Variants in CEP170B observed in about 807,000 individuals in gnomAD.
CEP170B encodes centrosomal protein 170B, also known as centrosomal protein of 170 kDa protein B.
A neutral mutation model predicts 120.6 loss-of-function variants in CEP170B; 55 were observed. That is an observed-to-expected ratio of 0.46 (90% confidence interval 0.37 to 0.57). The LOEUF is 0.57. Ranked by LOEUF, CEP170B falls within the 20% of genes least tolerant of loss-of-function variation. CEP170B has a pLI of 0.00. For synonymous variants in CEP170B, 1,033 were observed against 954.5 expected, an observed-to-expected ratio of 1.08 and a Z score of -1.52; for missense variants, 2,212 against 2,253.3, an observed-to-expected ratio of 0.98 and a Z score of 0.37.
intron 3 of CEP170B, 49 bp from the exon 4 acceptor site, chr14:104,877,836 A>AGCCCCCCCCCCCC: frequency 4.2e-6 from 1 of 237,068 alleles, no homozygotes; most frequent in Non-Finnish European, 6.7e-6. Flanking sequence ...GCCCACAGCC[A>AGCCCCCCCCCCCC]CCCACCCGCG....
Position 104,883,343 on chromosome 14 carries a change from C to T in CEP170B, c.886C>T (p.Arg296Trp), listed in dbSNP as rs758250851. 11 of 1,611,110 alleles carry T rather than the reference C, an allele frequency of 6.8e-6. No individual in the cohort carries two copies. The Admixed American group carries it at 8.4e-5, about 12-fold the overall frequency. The change falls in exon 8 of 19, where the codon CGG (arginine) becomes TGG (tryptophan). Residue 296 changes from arginine to tryptophan, a missense_variant. By Grantham distance (101) the Arg-to-Trp change is moderately radical. Around this residue, in one of 2 missense-constraint regions of CEP170B, gnomAD observed 2,166 missense variants for 2,166.7 expected, o/e 1.00. Coordinates refer to ENST00000414716, the MANE Select transcript of CEP170B (RefSeq NM_001112726.3). Reference sequence around the variant, plus strand: ...CACCAAGTTTTCCCTGCGCCAGCGGCGGCCCCCGGGCAAGGAGGCCACACC... The same window carrying T: ...CACCAAGTTTTCCCTGCGCCAGCGGTGGCCCCCGGGCAAGGAGGCCACACC... Reference protein sequence around the residue: ...HITKFSLRQRRPPGKEATPGE... With the variant: ...HITKFSLRQRWPPGKEATPGE...
chr14:104,880,716 A>T (rs1896104049), intron 6 of CEP170B, among the ~76,000 whole-genome samples: 1 of 148,938 alleles, frequency 6.7e-6, no homozygotes, highest in East Asian at 2.0e-4. Flanking sequence ...CGTTATACAC[A>T]CCCTACTCAT....
At chr14:104,876,002 G>A (rs970481704) in intron 2 of CEP170B, among the ~76,000 whole-genome samples, 3 of 152,162 alleles carry the variant, frequency 2.0e-5, no homozygotes, top group Non-Finnish European at 4.4e-5. Flanking sequence ...GCACTCCCAC[G>A]GCCCAGCGGG....
At chr14:104,894,088 C>G in intron 16 of CEP170B, 197 bp from the exon 17 acceptor site, 1 of 652,082 alleles carries the variant, frequency 1.5e-6, no homozygotes, top group Non-Finnish European at 2.7e-6. Flanking sequence ...CATCCCGGGC[C>G]CAGCCCTCCC....
At chr14:104,894,230 G>A in intron 16 of CEP170B, 55 bp from the exon 17 acceptor site, 1 of 1,359,418 alleles carries the variant, frequency 7.4e-7, no homozygotes, top group Non-Finnish European at 1.1e-6. Context: ...TTGTGCCTCA[G>A]CTCTGTCATC....
chr14:104,871,313 A>G (rs955266485), intron 2 of CEP170B, among the ~76,000 whole-genome samples: 6 of 151,332 alleles, frequency 4.0e-5, no homozygotes, highest in African/African-American at 1.5e-4. Flanking sequence ...GCTGAACCAA[A>G]CCTGTCACCC....
At position 104,885,427 on chromosome 14, in the gene CEP170B, C is replaced by T. The variant is rs762927867; in HGVS notation, c.1829C>T (p.Pro610Leu). 6.4e-7 allele frequency: 1 copy of T among 1,565,766 alleles called. No individual in the cohort carries two copies. Among genetic ancestry groups the T allele is most frequent in the South Asian group, 1.2e-5 (1 of 85,062 alleles). ...AGGGCATCTTCGGCCACCTTTCGCC[C>T]AGTCATCAGAGGGGACAGAGATGAG... ...LSRASSATFR[P>L]VIRGDRDESD... Residue 610 changes from proline (P) to leucine (L), a missense_variant, in exon 10 of 19, where the codon CCA becomes CTA. By Grantham distance (98) the Pro-to-Leu change is moderately conservative. Around this residue, in one of 2 missense-constraint regions of CEP170B, gnomAD observed 2,166 missense variants for 2,166.7 expected, o/e 1.00. Transcript: ENST00000414716.
At chr14:104,885,838 C>T (rs546190648) in intron 10 of CEP170B, among the ~76,000 whole-genome samples, 8 of 152,312 alleles carry the variant, frequency 5.3e-5, no homozygotes, top group African/African-American at 1.9e-4. Flanking sequence ...GGCAGGGGGT[C>T]GCGTTGGAGC....
rs759393321 is a variant in CEP170B at position 104,887,145 on chromosome 14, G to A, written c.2906G>A (p.Ser969Asn). Residue 969 changes from serine (S) to asparagine (N), a missense_variant, in exon 12 of 19, where the codon AGC (serine) becomes AAC (asparagine). Coordinates refer to ENST00000414716, the MANE Select transcript of CEP170B (RefSeq NM_001112726.3). The part of the protein sequence containing the change: ...ASTVSLRSGK[S>N]GPSPTTPQPL... The stretch of plus-strand genomic sequence containing the variant: ...ACCGTCAGCCTGCGTAGTGGCAAGA[G>A]CGGGCCCAGCCCCACAACCCCCCAG... 6.2e-7 allele frequency: 1 copy of A among 1,609,662 alleles called. No individual in the cohort carries two copies. The highest frequency in any genetic ancestry group is 8.5e-7 in the Non-Finnish European group (1 of 1,179,724).
intron 12 of CEP170B, among the ~76,000 whole-genome samples, chr14:104,889,280 T>C (rs1013293523): frequency 2.6e-5 from 4 of 152,268 alleles, no homozygotes; most frequent in Middle Eastern, 3.4e-3. Context: ...GCCACTGGCC[T>C]GGGAGCACCA....
chr14:104,886,651 G>A lies in CEP170B; in HGVS notation c.2412G>A (p.Gly804=), dbSNP rs1338671127. 6.5e-7 allele frequency: 1 copy of A among 1,530,924 alleles called. No homozygotes were observed. Among genetic ancestry groups the A allele is most frequent in the Non-Finnish European group, 8.8e-7 (1 of 1,141,792 alleles). 94.8% of individuals were successfully genotyped at this position (1,530,924 alleles called of 1,614,324 possible). A position where few individuals can be genotyped will look rare whatever the true frequency, so the allele number is the denominator to read the frequency against. Residue 804 remains glycine (G), a synonymous_variant, in exon 12 of 19, where the codon GGG becomes GGA. Coordinates refer to ENST00000414716, the MANE Select transcript of CEP170B (RefSeq NM_001112726.3). ...PASFFIGDQN[G]DAVLSRKPLA... is the part of the protein sequence containing the mutation. ...CTTTCTTCATTGGGGACCAGAATGGGGACGCTGTGTTATCTAGGAAACCGC... is the reference window on the plus strand; with the variant it reads ...CTTTCTTCATTGGGGACCAGAATGGAGACGCTGTGTTATCTAGGAAACCGC...
rs111728649 is a variant in CEP170B, at chr14:104,887,696, G to A, written c.3457G>A (p.Val1153Met). 5.3e-5 allele frequency: 84 copies of A among 1,585,142 alleles called. No homozygotes were observed. The African/African-American group carries it at 5.5e-4, about 10-fold the overall frequency. The change falls in exon 12 of 19, where the codon GTG becomes ATG. Residue 1153 changes from valine to methionine, a missense_variant. By Grantham distance (21) the Val-to-Met change is conservative (BLOSUM62 1). Around this residue, in one of 2 missense-constraint regions of CEP170B, gnomAD observed 2,166 missense variants for 2,166.7 expected, o/e 1.00. Transcript: ENST00000414716. ...ERGSLGNPEP[V>M]GRPAAEQAKK... ...GGGGTCCCTGGGCAACCCTGAGCCCGTGGGCCGGCCAGCTGCTGAGCAGGC... is the reference window on the plus strand; with the variant it reads ...GGGGTCCCTGGGCAACCCTGAGCCCATGGGCCGGCCAGCTGCTGAGCAGGC...
chr14:104,885,361 C>A lies in CEP170B; in HGVS notation c.1771-8C>A, dbSNP rs199847377. ...CCCTCGGTGCCTGGGACCATTTCCT[C>A]TTGGCAGGTCTTTGGGGTGTTGGAG... On this transcript the variant is annotated splice_region_variant and splice_polypyrimidine_tract_variant and intron_variant, in intron 9 of 18. Transcript: ENST00000414716. 6.4e-7 allele frequency: 1 copy of A among 1,550,584 alleles called. No individual in the cohort carries two copies. The highest frequency in any genetic ancestry group is 8.7e-7 in the Non-Finnish European group (1 of 1,150,106).
chr14:104,889,527 G>C, intron 12 of CEP170B, 93 bp from the exon 13 acceptor site: 1 of 1,589,576 alleles, frequency 6.3e-7, no homozygotes, highest in Admixed American at 1.7e-5. Flanking sequence ...ACGAGGCGCC[G>C]GCAGCAGGGC....
At chr14:104,880,513 C>A in intron 6 of CEP170B, 88 bp downstream of exon 6, 2 of 1,537,716 alleles carry the variant, frequency 1.3e-6, no homozygotes, top group East Asian at 2.4e-5. Flanking sequence ...CCCCTTAACC[C>A]TCTGCATGCA....
chr14:104,894,288 C>G lies in CEP170B; in HGVS notation c.4275C>G (p.Ile1425Met). Reference sequence around the variant, plus strand: ...TGCCTCCCCCTACCTCGGACAGGATCCTCTTTCAGAACACAGGGAGAGCTT... The same window carrying G: ...TGCCTCCCCCTACCTCGGACAGGATGCTCTTTCAGAACACAGGGAGAGCTT... ...NTEHLAEKMK[I>M]LFQNTGRAWE... Residue 1425 changes from isoleucine (I) to methionine (M), a missense_variant, in exon 17 of 19, where the codon ATC becomes ATG. Ile to Met is a conservative substitution (Grantham distance 10, BLOSUM62 1). Around this residue, in one of 2 missense-constraint regions of CEP170B, gnomAD observed 2,166 missense variants for 2,166.7 expected, o/e 1.00. Coordinates refer to ENST00000414716, the MANE Select transcript of CEP170B (RefSeq NM_001112726.3). The G allele has an allele frequency of 6.2e-7, 1 of 1,612,860 alleles. No individual in the cohort carries two copies. The highest frequency in any genetic ancestry group is 8.5e-7 in the Non-Finnish European group (1 of 1,179,146).
At chr14:104,893,496 C>G in intron 14 of CEP170B, 27 bp from the exon 15 acceptor site, 1 of 1,590,564 alleles carries the variant, frequency 6.3e-7, no homozygotes. Context: ...TGCCTGGGGC[C>G]CACGGTGCCG....
Position 104,887,857 on chromosome 14 carries a change from C to T in CEP170B, c.3618C>T (p.Ser1206=). 6.3e-7 allele frequency: 1 copy of T among 1,578,906 alleles called. No homozygotes were observed. Among genetic ancestry groups the T allele is most frequent in the Non-Finnish European group, 8.6e-7 (1 of 1,166,292 alleles). The part of the protein sequence containing the change: ...SGRSVELCCA[S]RKPTMAEARA... ...GCAGTGTGGAGTTGTGCTGTGCCAG[C>T]CGCAAGCCCACCATGGCCGAAGCAC... The change falls in exon 12 of 19, where the codon AGC becomes AGT. Residue 1206 remains serine, a synonymous_variant. Coordinates refer to ENST00000414716, the MANE Select transcript of CEP170B (RefSeq NM_001112726.3).
chr14:104,885,796 A>T (rs1432455467), intron 10 of CEP170B, among the ~76,000 whole-genome samples: 2 of 152,138 alleles, frequency 1.3e-5, no homozygotes, highest in Non-Finnish European at 2.9e-5. Flanking sequence ...CCAACCTGGA[A>T]CTGAGTTCTG....
Sources: gnomAD v4.1 joint callset for allele counts (sites outside exome capture counted in the v4.1 genomes callset) on GRCh38, gnomAD v4.1.1 for gene constraint, gnomAD v4.1.1 regional missense constraint, MANE v1.5 for transcripts, NCBI Gene and HGNC (gene_info 2026-07-23, HGNC 2026-07-21) for gene names.